The following NGEF variants were observed in gnomAD, a reference collection of about 807,000 sequenced individuals.
The protein encoded by NGEF is ephexin-1.
A neutral mutation model predicts 80.9 loss-of-function variants in NGEF; 31 were observed. The ratio of observed to expected loss-of-function variants is 0.38; its 90% CI spans 0.29 to 0.52. The LOEUF (loss-of-function observed/expected upper bound fraction) is 0.52. Ranked by LOEUF, NGEF falls within the 20% of genes least tolerant of loss-of-function variation. NGEF has a pLI of 0.84. For synonymous variants in NGEF, 371 were observed against 370.2 expected, an observed-to-expected ratio of 1.00 and a Z score of -0.03; for missense variants, 709 against 926.2, an observed-to-expected ratio of 0.77 and a Z score of 3.04.
At chr2:232,937,889 G>C (rs1459222680) in intron 3 of NGEF, among the ~76,000 whole-genome samples, 2 of 152,292 alleles carry the variant, frequency 1.3e-5, no homozygotes, top group East Asian at 1.9e-4. Context: ...GTTATGATCT[G>C]TCTGTGTGAG....
At chr2:232,896,350 C>T (rs1333068839) in intron 5 of NGEF, among the ~76,000 whole-genome samples, 3 of 152,074 alleles carry the variant, frequency 2.0e-5, no homozygotes, top group African/African-American at 7.2e-5. Flanking sequence ...CTGATACAGC[C>T]ACCAGCAGTT....
At chr2:232,886,224 A>T (rs1691685407) in intron 9 of NGEF, among the ~76,000 whole-genome samples, 1 of 78,052 alleles carries the variant, frequency 1.3e-5, no homozygotes. Context: ...GTGTGTGATA[A>T]GTATGTGCTG....
chr2:232,926,615 C>A (rs1357609154), intron 4 of NGEF, among the ~76,000 whole-genome samples: 1 of 152,180 alleles, frequency 6.6e-6, no homozygotes, highest in Non-Finnish European at 1.5e-5. Flanking sequence ...CAGAACCCCC[C>A]TTCACACGCC....
intron 1 of NGEF, 112 bp downstream of exon 1, chr2:233,012,956 T>C: frequency 2.1e-6 from 1 of 468,102 alleles, no homozygotes; most frequent in Non-Finnish European, 4.4e-6. Flanking sequence ...TCCTCCTCAG[T>C]GAATGGATGG....
chr2:232,938,959 T>C (rs549784517), intron 3 of NGEF, among the ~76,000 whole-genome samples: 1 of 151,894 alleles, frequency 6.6e-6, no homozygotes, highest in South Asian at 2.1e-4. Flanking sequence ...GGCAGGTGGA[T>C]CAGAGTTCAG....
chr2:232,901,339 G>T (rs900604827), intron 5 of NGEF: 12 of 983,898 alleles, frequency 1.2e-5, no homozygotes, highest in Non-Finnish European at 1.4e-5. Context: ...GAGGCTGCGC[G>T]ATTTCTCCTC....
At chr2:232,985,157 A>T (rs758101196) in intron 1 of NGEF, among the ~76,000 whole-genome samples, 2 of 152,128 alleles carry the variant, frequency 1.3e-5, no homozygotes, top group Non-Finnish European at 2.9e-5. Context: ...TCCTTCTGCC[A>T]TGTATAGGGA....
intron 2 of NGEF, 25 bp from the exon 3 acceptor site, chr2:232,970,353 A>T: frequency 6.9e-7 from 1 of 1,457,958 alleles, no homozygotes; most frequent in Non-Finnish European, 9.5e-7. Context: ...AAATGGAGCA[A>T]GTTAGAAGAT....
intron 3 of NGEF, among the ~76,000 whole-genome samples, chr2:232,939,356 A>G (rs919782309): frequency 6.6e-6 from 1 of 152,130 alleles, no homozygotes; most frequent in Non-Finnish European, 1.5e-5. Context: ...AGAAAGTGAT[A>G]TTATTATTAT....
intron 3 of NGEF, among the ~76,000 whole-genome samples, chr2:232,964,576 C>G (rs1286883427): frequency 6.6e-6 from 1 of 152,066 alleles, no homozygotes; most frequent in East Asian, 1.9e-4. Context: ...TGCCTGTAAT[C>G]CCACATATTC....
At chr2:232,889,850 G>A (rs1328150997) in intron 8 of NGEF, among the ~76,000 whole-genome samples, 10 of 152,156 alleles carry the variant, frequency 6.6e-5, no homozygotes, top group Non-Finnish European at 1.3e-4. Flanking sequence ...GCTGCCCCTA[G>A]GTCTTTGGCC....
chr2:233,000,477 C>T (rs941454327), intron 1 of NGEF, among the ~76,000 whole-genome samples: 8 of 150,020 alleles, frequency 5.3e-5, no homozygotes, highest in Non-Finnish European at 5.9e-5. Flanking sequence ...TGCCGCCAGG[C>T]GAGGTGGCTC....
chr2:232,999,474 C>T (rs1036120144), intron 1 of NGEF, among the ~76,000 whole-genome samples: 7 of 152,192 alleles, frequency 4.6e-5, no homozygotes, highest in Non-Finnish European at 8.8e-5. Flanking sequence ...AGCAGCCACT[C>T]TAAGCCAGGT....
chr2:232,879,184 G>T lies in NGEF; in HGVS notation c.*305C>A, dbSNP rs994638894. On this transcript the variant is annotated 3_prime_UTR_variant, in exon 15 of 15. Transcript: ENST00000264051. Reference sequence around the variant, plus strand: ...CAGTCCCTGGGGGCCAGGGGCATGGGGGGCCCTGGAGTGTGCCCACCCCCT... The same window carrying T: ...CAGTCCCTGGGGGCCAGGGGCATGGTGGGCCCTGGAGTGTGCCCACCCCCT... 9.4e-5 allele frequency: 25 copies of T among 267,130 alleles called. No homozygotes were observed. The East Asian group carries it at 1.5e-3, about 16-fold the overall frequency. The allele number at this position is 267,130 out of a possible 1,614,324, so 16.5% of individuals were successfully genotyped here. A position where few individuals can be genotyped will look rare whatever the true frequency, so the allele number is the denominator to read the frequency against.
intron 1 of NGEF, among the ~76,000 whole-genome samples, chr2:233,003,856 A>G (rs2065071547): frequency 6.6e-6 from 1 of 152,096 alleles, no homozygotes; most frequent in East Asian, 1.9e-4. Context: ...TTCAAATCAC[A>G]TGTACCCGAT....
At chr2:232,984,558 A>G (rs977592728) in intron 1 of NGEF, among the ~76,000 whole-genome samples, 3 of 152,212 alleles carry the variant, frequency 2.0e-5, no homozygotes, top group African/African-American at 7.2e-5. Flanking sequence ...CAGAGGGGAA[A>G]GAACAAGCTA....
At chr2:232,998,578 T>C (rs1254559061) in intron 1 of NGEF, among the ~76,000 whole-genome samples, 2 of 152,076 alleles carry the variant, frequency 1.3e-5, no homozygotes, top group East Asian at 3.9e-4. Flanking sequence ...TACAGTCCGC[T>C]CAGTAAAGCT....
chr2:232,993,129 ATATT>A (rs1694687939), intron 1 of NGEF, among the ~76,000 whole-genome samples: 1 of 124,388 alleles, frequency 8.0e-6, no homozygotes, highest in African/African-American at 3.7e-5. Flanking sequence ...AAATAAATAT[ATATT>A]TATTTATATA....
At chr2:232,906,635 GA>G (rs1692558380) in intron 5 of NGEF, among the ~76,000 whole-genome samples, 1 of 59,462 alleles carries the variant, frequency 1.7e-5, no homozygotes. Flanking sequence ...CCCCTACTGG[GA>G]AGTGAGGAGC....
Sources: allele counts gnomAD v4.1 joint callset (sites outside exome capture counted in the v4.1 genomes callset), GRCh38; gene constraint gnomAD v4.1.1; transcripts MANE v1.5; gene names NCBI Gene and HGNC (gene_info 2026-07-23, HGNC 2026-07-21).